LARGE1: variants seen among roughly 807,000 people sequenced by gnomAD.
LARGE1 encodes xylosyl- and glucuronyltransferase LARGE1.
A neutral mutation model predicts 87.6 loss-of-function variants in LARGE1; 43 were observed. The observed-to-expected ratio is 0.49, with a 90% confidence interval of 0.38 to 0.63. The LOEUF is 0.63. Among genes scored for constraint, LARGE1 ranks in the 30% least tolerant of loss-of-function variants. The pLI, the probability that LARGE1 is intolerant of heterozygous loss-of-function variation, is 0.00. For synonymous variants in LARGE1, 434 were observed against 394.6 expected, an observed-to-expected ratio of 1.10 and a Z score of -1.18; for missense variants, 802 against 1,000.2, an observed-to-expected ratio of 0.80 and a Z score of 2.67.
intron 1 of LARGE1, among the ~76,000 whole-genome samples, chr22:33,821,933 G>A (rs185070175): frequency 3.1e-4 from 45 of 145,810 alleles, no homozygotes; most frequent in Middle Eastern, 7.2e-3. Flanking sequence ...CTCAGGTTCC[G>A]TTTAAGTGAC....
In LARGE1 at chr22:33,633,217, C is replaced by T. The variant is rs1009697458; in HGVS notation, c.409-6891G>A. Among the ~76,000 whole-genome samples the T allele has an allele frequency of 2.0e-5, 3 of 152,112 alleles. No individual in the cohort carries two copies. The East Asian group carries it at 5.8e-4, about 29-fold the overall frequency. ...AATTTGATAGTTAACCAGGAGATCC[C>T]ACAGGAGAATGAGAGGCTCCTACCA... On this transcript the variant is annotated intron_variant, in intron 3 of 14. Coordinates refer to ENST00000397394, the MANE Select transcript of LARGE1 (RefSeq NM_133642.5).
intron 11 of LARGE1, among the ~76,000 whole-genome samples, chr22:33,216,256 C>A (rs1332807657): frequency 1.3e-5 from 2 of 152,216 alleles, no homozygotes; most frequent in African/African-American, 4.8e-5. Context: ...TGCCCTCCCC[C>A]ACAAATTCTT....
chr22:33,189,176 C>T lies in LARGE1; in HGVS notation c.1731-22344G>A, dbSNP rs577709404. On this transcript the variant is annotated intron_variant, in intron 11 of 11. Transcript: ENST00000608642. Reference sequence around the variant, plus strand: ...ATATTAACCTTTCTTCTCATTTCTACAGTAGCCGTTGGTGTGCCTCACAGG... The same window carrying T: ...ATATTAACCTTTCTTCTCATTTCTATAGTAGCCGTTGGTGTGCCTCACAGG... 3.3e-5 allele frequency among the ~76,000 whole-genome samples: 5 copies of T among 152,262 alleles called. No homozygotes were observed. In the South Asian group the frequency reaches 1.0e-3, roughly 32 times the overall value.
chr22:33,707,924 T>C (rs1468173520), intron 2 of LARGE1, among the ~76,000 whole-genome samples: 1 of 152,052 alleles, frequency 6.6e-6, no homozygotes, highest in Non-Finnish European at 1.5e-5. Flanking sequence ...TCTGGAAGTG[T>C]CTGCAGAATT....
At chr22:33,608,399 T>C (rs1269159389) in intron 4 of LARGE1, among the ~76,000 whole-genome samples, 3 of 152,202 alleles carry the variant, frequency 2.0e-5, no homozygotes, top group African/African-American at 7.2e-5. Context: ...ATTCCCTTTG[T>C]AAGTCATCTC....
chr22:33,299,933 T>C (rs890219621), intron 12 of LARGE1, among the ~76,000 whole-genome samples: 1 of 152,266 alleles, frequency 6.6e-6, no homozygotes, highest in African/African-American at 2.4e-5. Context: ...CTATTGTCCA[T>C]GCGTACAGCT....
the LARGE1 span, among the ~76,000 whole-genome samples, chr22:33,101,429 T>C: frequency 6.6e-6 from 1 of 152,190 alleles, no homozygotes; most frequent in Admixed American, 6.5e-5. Flanking sequence ...AATGTATTCA[T>C]GTTAGCTATT....
At chr22:33,513,040 C>T (rs1210226325) in intron 6 of LARGE1, among the ~76,000 whole-genome samples, 5 of 151,148 alleles carry the variant, frequency 3.3e-5, no homozygotes, top group Non-Finnish European at 5.9e-5. Flanking sequence ...CTGAGGATCC[C>T]AGAGATGCAA....
At chr22:33,216,252 C>T (rs935796595) in intron 11 of LARGE1, among the ~76,000 whole-genome samples, 4 of 152,200 alleles carry the variant, frequency 2.6e-5, no homozygotes, top group African/African-American at 9.6e-5. Context: ...AATGTGCCCT[C>T]CCCCACAAAT....
chr22:33,143,918 C>T, the LARGE1 span, among the ~76,000 whole-genome samples: 2 of 151,980 alleles, frequency 1.3e-5, no homozygotes, highest in African/African-American at 4.8e-5. Flanking sequence ...TACTACATTG[C>T]TCTATATGTT....
Position 33,649,442 on chromosome 22 carries a change from T to C in LARGE1, c.408+925A>G, listed in dbSNP as rs183317938. On this transcript the variant is annotated intron_variant, in intron 3 of 14. Coordinates refer to ENST00000397394, the MANE Select transcript of LARGE1 (RefSeq NM_133642.5). ...GGTCCTATCTATGTTTAACTAAGAATAGTAAAAACTAACCATAATTTTGAA... is the reference window on the plus strand; with the variant it reads ...GGTCCTATCTATGTTTAACTAAGAACAGTAAAAACTAACCATAATTTTGAA... 2.6e-5 allele frequency among the ~76,000 whole-genome samples: 4 copies of C among 152,322 alleles called. No homozygotes were observed. The East Asian group carries it at 5.8e-4, about 22-fold the overall frequency.
At chr22:33,522,989 C>G (rs1022413834) in intron 6 of LARGE1, among the ~76,000 whole-genome samples, 3 of 151,750 alleles carry the variant, frequency 2.0e-5, no homozygotes, top group African/African-American at 7.3e-5. Flanking sequence ...GCTTGGGTGA[C>G]TGTTTTTGTT....
chr22:33,828,595 T>C (rs1353352138), intron 1 of LARGE1, among the ~76,000 whole-genome samples: 2 of 152,188 alleles, frequency 1.3e-5, no homozygotes, highest in Non-Finnish European at 2.9e-5. Flanking sequence ...GTAAGCGACG[T>C]TGAGAAAGAC....
At chr22:33,157,440 A>C (rs551405055), downstream of LARGE1, among the ~76,000 whole-genome samples, 100 of 152,294 alleles carry the variant, frequency 6.6e-4, 1 homozygote, top group Admixed American at 2.9e-3. Context: ...ACAATGTTGC[A>C]CATGGCCTGG....
chr22:33,466,683 T>C (rs969414057), intron 6 of LARGE1, among the ~76,000 whole-genome samples: 71 of 129,432 alleles, frequency 5.5e-4, no homozygotes, highest in Admixed American at 2.5e-3. Flanking sequence ...ATTCACCCCC[T>C]CTCTCTCTCT....
At chr22:33,835,046 T>C (rs1262519273) in intron 1 of LARGE1, among the ~76,000 whole-genome samples, 2 of 152,194 alleles carry the variant, frequency 1.3e-5, no homozygotes, top group Non-Finnish European at 2.9e-5. Context: ...TTCAGAGAAA[T>C]GGATTTTGTT....
At chr22:33,103,986 C>A in the LARGE1 span, among the ~76,000 whole-genome samples, 17 of 152,298 alleles carry the variant, frequency 1.1e-4, no homozygotes, top group Admixed American at 6.5e-4. Flanking sequence ...GTGAGGCCTC[C>A]CCAGCCACAT....
intron 11 of LARGE1, among the ~76,000 whole-genome samples, chr22:33,195,381 T>C (rs1013187233): frequency 1.2e-4 from 19 of 152,120 alleles, no homozygotes; most frequent in Admixed American, 2.6e-4. Flanking sequence ...AGAATACATA[T>C]TAATTTTAAG....
intron 6 of LARGE1, among the ~76,000 whole-genome samples, chr22:33,491,984 T>G (rs550459013): frequency 3.3e-5 from 5 of 152,038 alleles, no homozygotes; most frequent in Non-Finnish European, 5.9e-5. Context: ...GTAAGAAGAG[T>G]TTCATGGAAT....
Sources: allele counts gnomAD v4.1 joint callset (sites outside exome capture counted in the v4.1 genomes callset), GRCh38; gene constraint gnomAD v4.1.1; transcripts MANE v1.5; gene names NCBI Gene and HGNC (gene_info 2026-07-23, HGNC 2026-07-21).